PRDM15: variants seen among roughly 807,000 people sequenced by gnomAD.
The protein encoded by PRDM15 is PR/SET domain 15, also known as PR domain zinc finger protein 15.
PRDM15 carries 64 observed loss-of-function variants against 128.6 expected under a neutral mutation model. The ratio of observed to expected loss-of-function variants is 0.50; its 90% CI spans 0.41 to 0.61. PRDM15 has a LOEUF of 0.61. PRDM15 is among the 20% of genes least tolerant of loss of function. The pLI is 0.00. For missense variants in PRDM15, 1,242 were observed against 1,569.1 expected (o/e 0.79, Z 3.52); for synonymous variants, 615 against 621.8 (o/e 0.99, Z 0.16).
intron 18 of PRDM15, among the ~76,000 whole-genome samples, chr21:41,816,054 T>G (rs2062039341): frequency 6.6e-6 from 1 of 152,254 alleles, no homozygotes; most frequent in Admixed American, 6.5e-5. Context: ...TCAGGTTCAC[T>G]CACTCCTGCC....
chr21:41,820,659 G>A (rs2062226107), intron 16 of PRDM15, among the ~76,000 whole-genome samples: 1 of 152,244 alleles, frequency 6.6e-6, no homozygotes, highest in African/African-American at 2.4e-5. Context: ...GGCTGTGCCG[G>A]CTGTGGTTCT....
rs569390207 is a variant in PRDM15, at chr21:41,873,441, G to A, written c.-10+5829C>T. On this transcript the variant is annotated intron_variant, in intron 1 of 23. Transcript: ENST00000398548. ...ACTCCATGGTCCGTCAGCTTCCAGC[G>A]TCGTGGCTGATGCATCTGGTATCTT... Among the ~76,000 whole-genome samples the A allele has an allele frequency of 5.1e-4, 78 of 152,284 alleles. 1 individual carries two copies. Among genetic ancestry groups the A allele is most frequent in the South Asian group, 2.9e-3 (14 of 4,832 alleles).
At chr21:41,809,326 G>A (rs2061786362) in intron 21 of PRDM15, among the ~76,000 whole-genome samples, 2 of 150,974 alleles carry the variant, frequency 1.3e-5, no homozygotes, top group Admixed American at 1.3e-4. Flanking sequence ...TCCGCCGCCT[G>A]GGTTCAAGCG....
At chr21:41,807,492 G>A in intron 21 of PRDM15, among the ~76,000 whole-genome samples, 1 of 152,190 alleles carries the variant, frequency 6.6e-6, no homozygotes, top group East Asian at 1.9e-4. Context: ...CCTCACTGCG[G>A]TACACACACA....
rs2063195544 is a variant in PRDM15 at position 41,844,788 on chromosome 21, ACAGGGACACACACAG to A, written c.640+2287_640+2301del. The stretch of plus-strand genomic sequence containing the variant: ...GGACACACACAGTCCCTCCCCCCTC[ACAGGGACACACACAG>A]TCCCTCCCCCCTCACAGGGACACAC... On this transcript the variant is annotated intron_variant, in intron 6 of 23. Coordinates refer to ENST00000398548, the MANE Select transcript of PRDM15 (RefSeq NM_001040424.3). Among the ~76,000 whole-genome samples the A allele has an allele frequency of 4.9e-3, 8 of 1,620 alleles. 1 individual carries two copies. Among genetic ancestry groups the A allele is most frequent in the Non-Finnish European group, 7.8e-3 (7 of 894 alleles). 1.1% of individuals were successfully genotyped at this position (1,620 alleles called of 152,430 possible).
At position 41,810,984 on chromosome 21, in the gene PRDM15, T is replaced by C; in HGVS notation, c.2393-148A>G. ...GAAGACAGCAGACAATGAACGCTCA[T>C]CCCCAGCCTCGGCCAGCAAAGTGTG... On this transcript the variant is annotated intron_variant, in intron 19 of 23. Coordinates refer to ENST00000398548, the MANE Select transcript of PRDM15 (RefSeq NM_001040424.3). This position sits in a 1 kb window ranked among gnomAD's most constrained non-coding sequence, Gnocchi z 6.4. The C allele has an allele frequency of 1.5e-6, 1 of 659,810 alleles. No homozygotes were observed. Among genetic ancestry groups the C allele is most frequent in the Admixed American group, 2.4e-5 (1 of 41,970 alleles). 40.9% of individuals were successfully genotyped at this position (659,810 alleles called of 1,614,324 possible).
At chr21:41,866,770 G>A (rs999936756) in intron 1 of PRDM15, among the ~76,000 whole-genome samples, 4 of 152,130 alleles carry the variant, frequency 2.6e-5, no homozygotes, top group African/African-American at 7.2e-5. Context: ...CGAGCACAAC[G>A]CTTCCCCCCT....
rs1211964355 is a variant in PRDM15 at position 41,803,132 on chromosome 21, T to C, written c.2734-211A>G. 49 of 581,490 alleles carry C rather than the reference T, an allele frequency of 8.4e-5. No individual in the cohort carries two copies. The East Asian group carries it at 1.0e-3, about 12-fold the overall frequency. The allele number at this position is 581,490 out of a possible 1,614,324, so 36.0% of individuals were successfully genotyped here. On this transcript the variant is annotated intron_variant, in intron 22 of 23. Transcript: ENST00000398548. ...TTTAGTTGCAGATTTAAAAAAAAAA[T>C]ACATGCAAGTCATATTTTTAAAAGT...
intron 5 of PRDM15, among the ~76,000 whole-genome samples, chr21:41,850,011 A>G (rs1295212951): frequency 6.6e-6 from 1 of 152,242 alleles, no homozygotes; most frequent in Non-Finnish European, 1.5e-5. Flanking sequence ...GAGTTAGAAC[A>G]GTGATGCTAT....
intron 4 of PRDM15, among the ~76,000 whole-genome samples, chr21:41,855,743 A>G (rs1195150930): frequency 6.6e-6 from 1 of 152,228 alleles, no homozygotes; most frequent in East Asian, 1.9e-4. Context: ...AGACTTCTTT[A>G]AAGGGGCCTC....
chr21:41,877,978 A>G (rs958250292), intron 1 of PRDM15, among the ~76,000 whole-genome samples: 18 of 152,280 alleles, frequency 1.2e-4, no homozygotes, highest in Non-Finnish European at 4.4e-5. Flanking sequence ...GAAGGAGTGA[A>G]GCAGTGAAAA....
rs894511032 is a variant in PRDM15 at position 41,818,159 on chromosome 21, TGGGGAGGAAA to T, written c.2260+1413_2260+1422del. Among the ~76,000 whole-genome samples the T allele has an allele frequency of 1.4e-4, 22 of 152,112 alleles. 1 individual carries two copies. The highest frequency in any genetic ancestry group is 9.8e-4 in the Admixed American group (15 of 15,276). ...TAAACATTTTACTTCTTGGGGGCAT[TGGGGAGGAAA>T]GGGGAGGAGCAGGTGGTGAAAGGGG... On this transcript the variant is annotated intron_variant, in intron 18 of 23. Transcript: ENST00000398548.
At position 41,798,827 on chromosome 21, in the gene PRDM15, G is replaced by A. The variant is rs1269845248; in HGVS notation, c.*2413C>T. ...GTATAGGTGAGGACTCTTCTGCCTG[G>A]GTGGTACATGGTTGTTGTATTTTGC... On this transcript the variant is annotated 3_prime_UTR_variant, in exon 24 of 24. Transcript: ENST00000398548. 2.6e-5 allele frequency: 4 copies of A among 152,288 alleles called. No individual in the cohort carries two copies. Among genetic ancestry groups the A allele is most frequent in the Non-Finnish European group, 2.9e-5 (2 of 68,018 alleles). 9.4% of individuals were successfully genotyped at this position (152,288 alleles called of 1,614,324 possible).
At chr21:41,842,834 GA>G (rs34513158) in intron 6 of PRDM15, among the ~76,000 whole-genome samples, 84,750 of 148,972 alleles carry the variant, frequency 0.57, 24,389 homozygotes, top group Admixed American at 0.64. Context: ...GCCCAGGATG[GA>G]GTGCAGTGGT....
At chr21:41,876,809 G>A (rs1281377886) in intron 1 of PRDM15, among the ~76,000 whole-genome samples, 9 of 152,168 alleles carry the variant, frequency 5.9e-5, no homozygotes, top group Admixed American at 5.2e-4. Context: ...CCTGGCTCTG[G>A]AACTAGGCTC....
At chr21:41,815,925 A>G in intron 18 of PRDM15, 89 bp from the exon 19 acceptor site, 2 of 1,542,408 alleles carry the variant, frequency 1.3e-6, no homozygotes, top group Non-Finnish European at 1.8e-6. Flanking sequence ...AGGCACAGGC[A>G]GCGGCCCGTG....
At chr21:41,847,539 A>G (rs2063304446) in intron 5 of PRDM15, among the ~76,000 whole-genome samples, 1 of 152,200 alleles carries the variant, frequency 6.6e-6, no homozygotes, top group Non-Finnish European at 1.5e-5. Context: ...GCATTCCTCA[A>G]GAACCAAGTG....
rs1262041087 is a variant in PRDM15, at chr21:41,810,407, C to T, written c.2477-78G>A. On this transcript the variant is annotated intron_variant, in intron 20 of 23. Coordinates refer to ENST00000398548, the MANE Select transcript of PRDM15 (RefSeq NM_001040424.3). This position sits in a 1 kb window ranked among gnomAD's most constrained non-coding sequence, Gnocchi z 6.4. ...GTCACTAGTGCAGCCATCCCAATGA[C>T]CCTGGCCTGCTGGACGAGGCAAGAA... 1.0e-5 allele frequency: 15 copies of T among 1,491,920 alleles called. No individual in the cohort carries two copies. The highest frequency in any genetic ancestry group is 1.4e-5 in the African/African-American group (1 of 73,094). 92.4% of individuals were successfully genotyped at this position (1,491,920 alleles called of 1,614,324 possible).
chr21:41,867,347 T>C (rs2064046447), intron 1 of PRDM15: 1 of 1,613,628 alleles, frequency 6.2e-7, no homozygotes, highest in Non-Finnish European at 8.5e-7. Context: ...ATTTTCCTGG[T>C]TCCCCCAGGA....
Sources: allele counts gnomAD v4.1 joint callset (sites outside exome capture counted in the v4.1 genomes callset), GRCh38; gene constraint gnomAD v4.1.1; non-coding constraint Gnocchi (gnomAD v3.1); transcripts MANE v1.5; gene names NCBI Gene and HGNC (gene_info 2026-07-23, HGNC 2026-07-21).